COG4: variants seen among roughly 807,000 people sequenced by gnomAD.
COG4 encodes conserved oligomeric Golgi complex subunit 4.
A neutral mutation model predicts 95.1 loss-of-function variants in COG4; 65 were observed. The observed-to-expected ratio is 0.68, with a 90% CI of 0.56 to 0.84. The LOEUF is 0.84. COG4 is among the 40% of genes least tolerant of loss of function. The probability of loss-of-function intolerance (pLI) is 0.00; values close to 1 mark genes in which losing one functional copy is unlikely to be tolerated. For missense variants in COG4, 1,045 were observed against 989.1 expected (o/e 1.06, Z -0.76); for synonymous variants, 421 against 374.8 (o/e 1.12, Z -1.42).
At chr16:70,498,332 T>G (rs893455196) in intron 9 of COG4, among the ~76,000 whole-genome samples, 1 of 152,008 alleles carries the variant, frequency 6.6e-6, no homozygotes, top group African/African-American at 2.4e-5. Context: ...TATTTTTAAC[T>G]ATTTTTTTTT....
At chr16:70,500,295 C>G (rs911470285) in intron 9 of COG4, among the ~76,000 whole-genome samples, 4 of 150,852 alleles carry the variant, frequency 2.7e-5, no homozygotes, top group Admixed American at 2.6e-4. Context: ...GTCAATTATT[C>G]CTTGAAAAAT....
chr16:70,499,983 C>G (rs1264656351), intron 9 of COG4, among the ~76,000 whole-genome samples: 1 of 150,742 alleles, frequency 6.6e-6, no homozygotes, highest in Non-Finnish European at 1.5e-5. Flanking sequence ...AAATGTTTAT[C>G]TTTTATTATT....
At chr16:70,518,571 CAA>C (rs1478766681) in intron 2 of COG4, among the ~76,000 whole-genome samples, 1 of 151,838 alleles carries the variant, frequency 6.6e-6, no homozygotes, top group African/African-American at 2.4e-5. Flanking sequence ...GAGACAGGGT[CAA>C]AAGTGATCCT....
intron 13 of COG4, among the ~76,000 whole-genome samples, chr16:70,486,381 C>A (rs914693707): frequency 6.6e-6 from 1 of 152,154 alleles, no homozygotes; most frequent in African/African-American, 2.4e-5. Flanking sequence ...ACTCTCCTAG[C>A]AGACAAAGGC....
chr16:70,507,923 T>A (rs1597680455), intron 8 of COG4, among the ~76,000 whole-genome samples: 1 of 151,834 alleles, frequency 6.6e-6, no homozygotes, highest in Non-Finnish European at 1.5e-5. Context: ...TATAATTTAT[T>A]ATTTATTTAT....
intron 8 of COG4, among the ~76,000 whole-genome samples, chr16:70,507,635 C>T (rs528918114): frequency 2.6e-5 from 4 of 151,756 alleles, no homozygotes; most frequent in South Asian, 2.1e-4. Flanking sequence ...CTGAGGTGGG[C>T]GGATCACTTA....
chr16:70,485,015 C>T (rs907138954), intron 13 of COG4, among the ~76,000 whole-genome samples: 1 of 152,044 alleles, frequency 6.6e-6, no homozygotes, highest in South Asian at 2.1e-4. Flanking sequence ...ATTATTATCC[C>T]CATTGTACAG....
At position 70,519,731 on chromosome 16, in the gene COG4, T is replaced by G. The variant is rs1189533848; in HGVS notation, c.172A>C (p.Lys58Gln). The change falls in exon 2 of 19, where the codon AAA (lysine) becomes CAA (glutamine). Residue 58 changes from lysine (K) to glutamine (Q), a missense_variant and splice_region_variant. Coordinates refer to ENST00000323786, the MANE Select transcript of COG4 (RefSeq NM_015386.3). The part of the protein sequence containing the change: ...AVYERLCGEE[K>Q]VVERELDALL... ...GCATCCAGCTCTCTCTCCACCACTTTCTGAAACACAGAGAAACATCCTGTC... is the reference window on the plus strand; with the variant it reads ...GCATCCAGCTCTCTCTCCACCACTTGCTGAAACACAGAGAAACATCCTGTC... The G allele has an allele frequency of 2.5e-6, 4 of 1,611,576 alleles. No individual in the cohort carries two copies. The Admixed American group carries it at 6.7e-5, about 27-fold the overall frequency.
At chr16:70,506,688 A>C (rs2049584890) in intron 8 of COG4, among the ~76,000 whole-genome samples, 1 of 136,248 alleles carries the variant, frequency 7.3e-6, no homozygotes, top group Admixed American at 8.0e-5. Context: ...CGGGAGGCTG[A>C]GGCTGGAGGA....
rs1470724899 is a variant in COG4 at position 70,514,428 on chromosome 16, T to C, written c.451A>G (p.Arg151Gly). ...GCAGCCTGCTCATAATCTTCACTCCTCAAAGCAGTCTGAACTCCATCCATG... is the reference window on the plus strand; with the variant it reads ...GCAGCCTGCTCATAATCTTCACTCCCCAAAGCAGTCTGAACTCCATCCATG... ...FCMDGVQTAL[R>G]SEDYEQAAAH... The change falls in exon 4 of 19, where the codon AGG (arginine) becomes GGG (glycine). Residue 151 changes from arginine to glycine, a missense_variant. Physicochemically the swap from Arg to Gly is moderately radical, Grantham distance 125 (BLOSUM62 -2). Transcript: ENST00000323786. 5 of 1,613,950 alleles carry C rather than the reference T, an allele frequency of 3.1e-6. No homozygotes were observed. The highest frequency in any genetic ancestry group is 1.3e-5 in the African/African-American group (1 of 74,902).
chr16:70,516,761 CTTAT>C (rs1476800884), intron 3 of COG4, among the ~76,000 whole-genome samples: 4 of 151,368 alleles, frequency 2.6e-5, no homozygotes, highest in South Asian at 2.1e-4. Flanking sequence ...TATTTATTAA[CTTAT>C]TTATTTATTT....
At position 70,501,121 on chromosome 16, in the gene COG4, C is replaced by T. The variant is rs748531702; in HGVS notation, c.1062-30G>A. The T allele has an allele frequency of 1.1e-5, 17 of 1,609,220 alleles. No homozygotes were observed. The Admixed American group carries it at 1.3e-4, about 13-fold the overall frequency. On this transcript the variant is annotated intron_variant, in intron 8 of 18. Coordinates refer to ENST00000323786, the MANE Select transcript of COG4 (RefSeq NM_015386.3). ...GACACATGGAGCAGAAGGAATAGGA[C>T]GACAATGGATTACCTTAGACACAAG...
Position 70,504,095 on chromosome 16 carries a change from C to T in COG4, c.1062-3004G>A, listed in dbSNP as rs112514812. Among the ~76,000 whole-genome samples the T allele has an allele frequency of 6.4e-3, 979 of 152,288 alleles. 13 individuals are homozygous for T. The highest frequency in any genetic ancestry group is 0.022 in the African/African-American group (916 of 41,552). On this transcript the variant is annotated intron_variant, in intron 8 of 18. Coordinates refer to ENST00000323786, the MANE Select transcript of COG4 (RefSeq NM_015386.3). ...TCACCGCCATTTTCTAGCTGCATGACCTTGGGCAAGTCATCTGACCTCTCC... is the reference window on the plus strand; with the variant it reads ...TCACCGCCATTTTCTAGCTGCATGATCTTGGGCAAGTCATCTGACCTCTCC...
intron 14 of COG4, 99 bp from the exon 15 acceptor site, chr16:70,482,920 C>A: frequency 1.2e-6 from 1 of 862,864 alleles, no homozygotes; most frequent in Non-Finnish European, 1.9e-6. Context: ...CTCCCCATCC[C>A]TTTCCTCTCC....
intron 18 of COG4, 64 bp downstream of exon 18, chr16:70,481,295 C>A: frequency 1.2e-6 from 2 of 1,607,486 alleles, no homozygotes; most frequent in East Asian, 2.2e-5. Flanking sequence ...AGGGAAGTGG[C>A]GGGGATCCAT....
chr16:70,504,221 C>A (rs1183415045), intron 8 of COG4, among the ~76,000 whole-genome samples: 1 of 152,084 alleles, frequency 6.6e-6, no homozygotes, highest in South Asian at 2.1e-4. Context: ...CTACCCATAC[C>A]CCCCTGGGGT....
chr16:70,513,377 C>A (rs1034804511), intron 4 of COG4, among the ~76,000 whole-genome samples: 1 of 152,206 alleles, frequency 6.6e-6, no homozygotes, highest in Non-Finnish European at 1.5e-5. Flanking sequence ...ATCAGTAGAT[C>A]TGGATTCAGT....
At chr16:70,520,327 A>C (rs1241313137) in intron 1 of COG4, among the ~76,000 whole-genome samples, 2 of 120,014 alleles carry the variant, frequency 1.7e-5, no homozygotes, top group Admixed American at 1.1e-4. Context: ...CCTGTAGCCC[A>C]AGCTGCTCAG....
In COG4 at chr16:70,519,681, A is replaced by G. The variant is rs781086368; in HGVS notation, c.222T>C (p.Ile74=). 1.2e-6 allele frequency: 2 copies of G among 1,613,870 alleles called. No individual in the cohort carries two copies. The highest frequency in any genetic ancestry group is 1.3e-5 in the African/African-American group (1 of 75,058). ...GGTGGAGAGTGACCATCTTACTTTC[A>G]ATGGTGTTTTGCTGTTCCAAAAGAG... is the stretch of plus-strand genomic sequence containing the variant. ...LDALLEQQNT[I]ESKMVTLHRM... is the part of the protein sequence containing the mutation. Residue 74 remains isoleucine (I), a synonymous_variant, in exon 2 of 19, where the codon ATT becomes ATC. Coordinates refer to ENST00000323786, the MANE Select transcript of COG4 (RefSeq NM_015386.3).
Sources: allele counts gnomAD v4.1 joint callset (sites outside exome capture counted in the v4.1 genomes callset), GRCh38; gene constraint gnomAD v4.1.1; transcripts MANE v1.5; gene names NCBI Gene and HGNC (gene_info 2026-07-23, HGNC 2026-07-21).